POU2AF2: variants seen among roughly 807,000 people sequenced by gnomAD.
The protein encoded by POU2AF2 is POU class 2 homeobox associating factor 2, also known as POU domain class 2-associating factor 2.
chr11:111,281,046 T>TC, the POU2AF2 span, among the ~76,000 whole-genome samples: 1 of 152,172 alleles, frequency 6.6e-6, no homozygotes. Flanking sequence ...AACATATCCC[T>TC]CGTGGGTAAG....
the POU2AF2 span, among the ~76,000 whole-genome samples, chr11:111,251,731 C>T: frequency 6.6e-6 from 1 of 152,230 alleles, no homozygotes; most frequent in African/African-American, 2.4e-5. Flanking sequence ...TTCCCCCTCC[C>T]CTGCTCTTTC....
chr11:111,275,447 G>A, the POU2AF2 span, among the ~76,000 whole-genome samples: 2 of 152,188 alleles, frequency 1.3e-5, no homozygotes, highest in Admixed American at 6.5e-5. Context: ...TACATGTGAA[G>A]ACTGGTTCTT....
chr11:111,268,578 G>A, the POU2AF2 span, among the ~76,000 whole-genome samples: 1 of 145,742 alleles, frequency 6.9e-6, no homozygotes, highest in Non-Finnish European at 1.5e-5. Context: ...CTGTTGCCCA[G>A]GCTGAAGTGC....
chr11:111,262,321 A>T, the POU2AF2 span, among the ~76,000 whole-genome samples: 1 of 152,346 alleles, frequency 6.6e-6, no homozygotes, highest in East Asian at 1.9e-4. Flanking sequence ...AAAGTTGGGC[A>T]GACTTTAACT....
At chr11:111,284,029 C>T in the POU2AF2 span, 27 of 1,573,262 alleles carry the variant, frequency 1.7e-5, no homozygotes, top group African/African-American at 1.6e-4. Flanking sequence ...AGGCCTTGAC[C>T]GCCCTGGGAG....
At chr11:111,276,439 G>GAAAAAAAA in the POU2AF2 span, among the ~76,000 whole-genome samples, 28 of 44,412 alleles carry the variant, frequency 6.3e-4, 1 homozygote, top group East Asian at 2.0e-3. Flanking sequence ...CTACTAAAAA[G>GAAAAAAAA]AAAAAAAAAA....
At chr11:111,279,229 C>G in the POU2AF2 span, among the ~76,000 whole-genome samples, 1 of 152,178 alleles carries the variant, frequency 6.6e-6, no homozygotes, top group Non-Finnish European at 1.5e-5. Flanking sequence ...ATTCTTGACA[C>G]CAGTTTAGGT....
chr11:111,253,638 A>G, the POU2AF2 span, among the ~76,000 whole-genome samples: 1 of 152,160 alleles, frequency 6.6e-6, no homozygotes, highest in Non-Finnish European at 1.5e-5. Context: ...GTGATTCTCA[A>G]AACCACCTTC....
chr11:111,260,564 G>A, the POU2AF2 span, among the ~76,000 whole-genome samples: 2 of 152,164 alleles, frequency 1.3e-5, no homozygotes, highest in African/African-American at 2.4e-5. Context: ...CACAAAAGAT[G>A]AGGAGGCAAT....
At chr11:111,283,779 T>C in the POU2AF2 span, among the ~76,000 whole-genome samples, 1 of 152,226 alleles carries the variant, frequency 6.6e-6, no homozygotes, top group Admixed American at 6.5e-5. Flanking sequence ...TTCATTTATG[T>C]CTTCCTAGCA....
chr11:111,283,584 T>A, the POU2AF2 span, among the ~76,000 whole-genome samples: 2 of 152,194 alleles, frequency 1.3e-5, no homozygotes, highest in South Asian at 4.2e-4. Flanking sequence ...GTGTGAAGAA[T>A]TAGAAGGCAG....
At chr11:111,250,740 C>A in the POU2AF2 span, among the ~76,000 whole-genome samples, 2 of 152,174 alleles carry the variant, frequency 1.3e-5, no homozygotes, top group Admixed American at 1.3e-4. Context: ...GAAATATGTT[C>A]TCCTTGAGAA....
the POU2AF2 span, among the ~76,000 whole-genome samples, chr11:111,273,183 A>T: frequency 6.6e-6 from 1 of 152,196 alleles, no homozygotes; most frequent in Non-Finnish European, 1.5e-5. Context: ...TGGTTCTACT[A>T]TATACTTCTC....
At chr11:111,272,017 CA>C in the POU2AF2 span, among the ~76,000 whole-genome samples, 3 of 151,832 alleles carry the variant, frequency 2.0e-5, no homozygotes, top group African/African-American at 4.8e-5. Flanking sequence ...AACTCCATCT[CA>C]AAAAAAAGAA....
chr11:111,283,974 C>G, the POU2AF2 span: 1 of 1,031,948 alleles, frequency 9.7e-7, no homozygotes, highest in Admixed American at 2.2e-5. Flanking sequence ...GAGTCAGGCA[C>G]GCGTTAGTAA....
the POU2AF2 span, chr11:111,245,976 G>A: frequency 2.5e-6 from 1 of 392,454 alleles, no homozygotes; most frequent in East Asian, 3.6e-5. Flanking sequence ...CCTAACTCTG[G>A]CATAGAACAT....
the POU2AF2 span, among the ~76,000 whole-genome samples, chr11:111,261,834 A>T: frequency 6.6e-6 from 1 of 152,232 alleles, no homozygotes; most frequent in South Asian, 2.1e-4. Flanking sequence ...AAACCTAAGG[A>T]AAAATAAATG....
the POU2AF2 span, among the ~76,000 whole-genome samples, chr11:111,252,534 G>C: frequency 6.6e-6 from 1 of 151,730 alleles, no homozygotes; most frequent in Non-Finnish European, 1.5e-5. Flanking sequence ...TCCTATGCCA[G>C]CCTGCTTGAT....
At chr11:111,262,359 A>C in the POU2AF2 span, among the ~76,000 whole-genome samples, 2 of 152,326 alleles carry the variant, frequency 1.3e-5, no homozygotes, top group Admixed American at 6.5e-5. Context: ...TGTCTATCTT[A>C]GTCCCTAAAA....
Sources: gnomAD v4.1 joint callset for allele counts (sites outside exome capture counted in the v4.1 genomes callset) on GRCh38, gnomAD v4.1.1 for gene constraint, MANE v1.5 for transcripts, NCBI Gene and HGNC (gene_info 2026-07-23, HGNC 2026-07-21) for gene names.